CSMD1: variants seen among roughly 807,000 people sequenced by gnomAD.
The protein encoded by CSMD1 is CUB and Sushi multiple domains 1, also known as CUB and sushi domain-containing protein 1.
Under a neutral mutation model 417.5 loss-of-function variants are expected in CSMD1, and 213 were observed. That is an observed-to-expected ratio of 0.51 (90% CI 0.46 to 0.57). The LOEUF is 0.57. Among genes scored for constraint, CSMD1 ranks in the 20% least tolerant of loss-of-function variants. The probability of loss-of-function intolerance (pLI) is 0.00; values close to 1 mark genes in which losing one functional copy is unlikely to be tolerated. For synonymous variants in CSMD1, 2,862 were observed against 1,736.8 expected, an observed-to-expected ratio of 1.65 and a Z score of -16.11; for missense variants, 6,923 against 4,529.7, an observed-to-expected ratio of 1.53 and a Z score of -15.17.
intron 8 of CSMD1, among the ~76,000 whole-genome samples, chr8:3,586,673 C>T (rs536492239): frequency 6.6e-6 from 1 of 152,284 alleles, no homozygotes; most frequent in East Asian, 1.9e-4. Flanking sequence ...GTAAAAAAGT[C>T]TAGGTTAAGA....
intron 2 of CSMD1, among the ~76,000 whole-genome samples, chr8:4,582,229 T>C (rs1799455417): frequency 6.6e-6 from 1 of 152,104 alleles, no homozygotes; most frequent in South Asian, 2.1e-4. Context: ...AGAATTACTG[T>C]CAATAATAAT....
intron 65 of CSMD1, 31 bp downstream of exon 65, chr8:2,954,193 T>G: frequency 7.5e-7 from 1 of 1,337,864 alleles, no homozygotes; most frequent in Non-Finnish European, 1.0e-6. Flanking sequence ...CTTTATTGGA[T>G]TGAAATCTAG....
intron 5 of CSMD1, among the ~76,000 whole-genome samples, chr8:3,904,635 C>A (rs1324412216): frequency 7.6e-6 from 1 of 131,632 alleles, no homozygotes; most frequent in African/African-American, 3.4e-5. Flanking sequence ...TTCTCGTTTT[C>A]TTTCTTTTTT....
At chr8:4,975,777 C>A (rs943030891) in intron 1 of CSMD1, among the ~76,000 whole-genome samples, 1 of 152,092 alleles carries the variant, frequency 6.6e-6, no homozygotes, top group African/African-American at 2.4e-5. Flanking sequence ...ACCACTATGA[C>A]CAGTTGTGGA....
chr8:3,139,533 T>A (rs530219567), intron 41 of CSMD1, among the ~76,000 whole-genome samples: 1 of 152,138 alleles, frequency 6.6e-6, no homozygotes, highest in Non-Finnish European at 1.5e-5. Flanking sequence ...ATCTTGTCGA[T>A]AGAAGACCCC....
intron 8 of CSMD1, among the ~76,000 whole-genome samples, chr8:3,590,114 T>G (rs908352775): frequency 6.6e-6 from 1 of 152,014 alleles, no homozygotes; most frequent in African/African-American, 2.4e-5. Context: ...AAATGACATG[T>G]AGTAATATAG....
At chr8:3,499,095 A>G (rs1045507721) in intron 10 of CSMD1, among the ~76,000 whole-genome samples, 1 of 152,196 alleles carries the variant, frequency 6.6e-6, no homozygotes, top group African/African-American at 2.4e-5. Context: ...ATTAGTATCT[A>G]TACATCTGAC....
chr8:3,638,252 T>C (rs910860687), intron 7 of CSMD1, among the ~76,000 whole-genome samples: 1 of 152,140 alleles, frequency 6.6e-6, no homozygotes, highest in African/African-American at 2.4e-5. Context: ...ATTCTATAGA[T>C]AAATAAATAA....
chr8:4,300,296 G>A (rs1430030142), intron 3 of CSMD1, among the ~76,000 whole-genome samples: 2 of 152,022 alleles, frequency 1.3e-5, no homozygotes, highest in South Asian at 2.1e-4. Flanking sequence ...GGCACAGATG[G>A]GGAAATATGA....
chr8:3,447,861 C>A (rs925780860), intron 12 of CSMD1, among the ~76,000 whole-genome samples: 1 of 152,106 alleles, frequency 6.6e-6, no homozygotes, highest in African/African-American at 2.4e-5. Flanking sequence ...GGTGTCTTTA[C>A]TCTTCGTTCC....
chr8:4,336,126 A>G (rs780433459), intron 3 of CSMD1, among the ~76,000 whole-genome samples: 2 of 152,110 alleles, frequency 1.3e-5, no homozygotes, highest in Non-Finnish European at 2.9e-5. Flanking sequence ...CCTGTTCTGT[A>G]TAAACTTCTC....
rs1815335676 is a variant in CSMD1 at position 3,997,846 on chromosome 8, G to A, written c.818+57C>T. 9.1e-6 allele frequency: 13 copies of A among 1,433,924 alleles called. No individual in the cohort carries two copies. In the South Asian group the frequency reaches 1.2e-4, roughly 14 times the overall value. The allele number at this position is 1,433,924 out of a possible 1,614,324, so 88.8% of individuals were successfully genotyped here. A position where few individuals can be genotyped will look rare whatever the true frequency, so the allele number is the denominator to read the frequency against. On this transcript the variant is annotated intron_variant, in intron 5 of 69. Coordinates refer to ENST00000635120, the MANE Select transcript of CSMD1 (RefSeq NM_033225.6). ...CAAGCAATTCTTGAAGCTCGTTGGGGGAAAAAACGGGGAAAACACACCTGT... is the reference window on the plus strand; with the variant it reads ...CAAGCAATTCTTGAAGCTCGTTGGGAGAAAAAACGGGGAAAACACACCTGT...
At chr8:4,400,299 A>T (rs575662425) in intron 3 of CSMD1, among the ~76,000 whole-genome samples, 22 of 152,280 alleles carry the variant, frequency 1.4e-4, no homozygotes, top group Non-Finnish European at 1.5e-4. Context: ...AGCAAATGGG[A>T]TTTCGCAGTT....
intron 6 of CSMD1, among the ~76,000 whole-genome samples, chr8:3,742,225 A>G (rs567070447): frequency 5.6e-4 from 86 of 152,280 alleles, no homozygotes; most frequent in Non-Finnish European, 8.5e-4. Context: ...GATGTTCTGT[A>G]GATAGATTTA....
chr8:4,381,796 T>A (rs1259327946), intron 3 of CSMD1, among the ~76,000 whole-genome samples: 1 of 152,196 alleles, frequency 6.6e-6, no homozygotes, highest in African/African-American at 2.4e-5. Context: ...TTGACCTTTT[T>A]CTGCTGATGA....
intron 27 of CSMD1, among the ~76,000 whole-genome samples, chr8:3,224,902 T>C (rs868018733): frequency 6.6e-6 from 1 of 152,224 alleles, no homozygotes; most frequent in African/African-American, 2.4e-5. Context: ...TACAAGACTA[T>C]GCTGAGTTTA....
chr8:3,264,586 A>G (rs1039438556), intron 26 of CSMD1, among the ~76,000 whole-genome samples: 1 of 152,186 alleles, frequency 6.6e-6, no homozygotes, highest in African/African-American at 2.4e-5. Flanking sequence ...ATAAATATTA[A>G]CAATCATTTA....
At chr8:4,030,965 C>T (rs933196195) in intron 4 of CSMD1, among the ~76,000 whole-genome samples, 2 of 152,166 alleles carry the variant, frequency 1.3e-5, no homozygotes, top group African/African-American at 2.4e-5. Flanking sequence ...CAAGAATCAC[C>T]TTTGGTCCAG....
intron 5 of CSMD1, among the ~76,000 whole-genome samples, chr8:3,792,391 C>G (rs1165281767): frequency 6.6e-6 from 1 of 152,160 alleles, no homozygotes; most frequent in Non-Finnish European, 1.5e-5. Context: ...CTTCCTGCCT[C>G]ATTTCTTAAC....
Sources: gnomAD v4.1 joint callset for allele counts (sites outside exome capture counted in the v4.1 genomes callset) on GRCh38, gnomAD v4.1.1 for gene constraint, MANE v1.5 for transcripts, NCBI Gene and HGNC (gene_info 2026-07-23, HGNC 2026-07-21) for gene names.